MLLT3: variants seen among roughly 807,000 people sequenced by gnomAD.
The protein encoded by MLLT3 is protein AF-9.
In MLLT3, 4 loss-of-function variants were observed where a neutral mutation model predicts 53.2. That is an observed-to-expected ratio of 0.08 (90% CI 0.04 to 0.17). The LOEUF (loss-of-function observed/expected upper bound fraction) is 0.17, where lower values mean the gene tolerates loss of function less well. MLLT3 is among the 10% of genes least tolerant of loss of function. The pLI is 1.00. For synonymous variants in MLLT3, 283 were observed against 230.6 expected, an observed-to-expected ratio of 1.23 and a Z score of -2.06; for missense variants, 569 against 684.0, an observed-to-expected ratio of 0.83 and a Z score of 1.87.
chr9:20,477,170 T>G (rs1490974149), intron 2 of MLLT3, among the ~76,000 whole-genome samples: 1 of 152,108 alleles, frequency 6.6e-6, no homozygotes, highest in African/African-American at 2.4e-5. Flanking sequence ...TTTGGAACCA[T>G]GGGTTCCTTT....
chr9:20,530,872 C>T (rs946580430), intron 2 of MLLT3, among the ~76,000 whole-genome samples: 2 of 152,128 alleles, frequency 1.3e-5, no homozygotes, highest in Non-Finnish European at 2.9e-5. Flanking sequence ...CTCAAGTGAT[C>T]GGCCCACCTT....
chr9:20,554,457 G>A (rs1819004090), intron 2 of MLLT3, among the ~76,000 whole-genome samples: 1 of 151,944 alleles, frequency 6.6e-6, no homozygotes, highest in African/African-American at 2.4e-5. Flanking sequence ...TAAAATTACT[G>A]AACACCAAAA....
intron 2 of MLLT3, among the ~76,000 whole-genome samples, chr9:20,571,799 G>T (rs1819539595): frequency 6.6e-6 from 1 of 152,168 alleles, no homozygotes; most frequent in Admixed American, 6.5e-5. Flanking sequence ...AATCATTGTG[G>T]AAATGCAAAT....
At chr9:20,389,789 G>A (rs1291258988) in intron 5 of MLLT3, among the ~76,000 whole-genome samples, 2 of 152,148 alleles carry the variant, frequency 1.3e-5, no homozygotes, top group East Asian at 3.9e-4. Context: ...GTAAGGGAAG[G>A]AAAGGGAAAT....
chr9:20,528,334 T>C (rs1050763144), intron 2 of MLLT3, among the ~76,000 whole-genome samples: 2 of 152,260 alleles, frequency 1.3e-5, no homozygotes, highest in Non-Finnish European at 2.9e-5. Flanking sequence ...TACACAAATA[T>C]ATACTGCTGT....
chr9:20,412,918 C>T (rs567034862), intron 5 of MLLT3, among the ~76,000 whole-genome samples: 2 of 152,134 alleles, frequency 1.3e-5, no homozygotes, highest in South Asian at 4.2e-4. Context: ...TCTGAAAATC[C>T]CTTCCACTGC....
At chr9:20,531,101 A>T (rs1474615637) in intron 2 of MLLT3, among the ~76,000 whole-genome samples, 4 of 133,346 alleles carry the variant, frequency 3.0e-5, no homozygotes, top group Admixed American at 1.5e-4. Context: ...TTTTTGATAC[A>T]TTGCCCTTTT....
At chr9:20,578,780 T>C (rs896004106) in intron 2 of MLLT3, among the ~76,000 whole-genome samples, 3 of 152,156 alleles carry the variant, frequency 2.0e-5, no homozygotes, top group South Asian at 2.1e-4. Context: ...ATTTTCCAAG[T>C]AGATATTTTA....
rs1210056384 is a variant in MLLT3, at chr9:20,473,746, AAACT to A, written c.194-16964_194-16961del. Among the ~76,000 whole-genome samples the A allele has an allele frequency of 7.2e-5, 11 of 152,240 alleles. No individual in the cohort carries two copies. In the East Asian group the frequency reaches 9.6e-4, roughly 13 times the overall value. On this transcript the variant is annotated intron_variant, in intron 2 of 10. Coordinates refer to ENST00000380338, the MANE Select transcript of MLLT3 (RefSeq NM_004529.4). ...TAAAAAAAAGCAAAAGACAACAAAA[AAACT>A]AACTATGCTAATAAACTAAAAAAAC...
At chr9:20,539,903 A>G (rs966404850) in intron 2 of MLLT3, among the ~76,000 whole-genome samples, 2 of 152,218 alleles carry the variant, frequency 1.3e-5, no homozygotes, top group Non-Finnish European at 2.9e-5. Context: ...CTAGAAGCCT[A>G]TAAAATCAAA....
At chr9:20,403,884 T>C (rs1289842469) in intron 5 of MLLT3, among the ~76,000 whole-genome samples, 1 of 152,178 alleles carries the variant, frequency 6.6e-6, no homozygotes, top group Non-Finnish European at 1.5e-5. Context: ...AGTAGCACAA[T>C]CATGGCTCAC....
intron 4 of MLLT3, among the ~76,000 whole-genome samples, chr9:20,424,902 G>T (rs1313818144): frequency 6.6e-6 from 1 of 152,158 alleles, no homozygotes; most frequent in East Asian, 1.9e-4. Flanking sequence ...CTGTATATGT[G>T]TGTGCTTTAT....
intron 2 of MLLT3, among the ~76,000 whole-genome samples, chr9:20,525,513 A>C (rs1406966811): frequency 6.6e-6 from 1 of 152,166 alleles, no homozygotes; most frequent in Non-Finnish European, 1.5e-5. Flanking sequence ...ATAAAAAATA[A>C]AGACATCTTA....
intron 2 of MLLT3, among the ~76,000 whole-genome samples, chr9:20,498,824 G>A (rs1825148032): frequency 6.6e-6 from 1 of 152,138 alleles, no homozygotes; most frequent in Admixed American, 6.5e-5. Context: ...TGTAACTTTT[G>A]AAGAGCAAAT....
In MLLT3 at chr9:20,360,790, G is replaced by A; in HGVS notation, c.1383C>T (p.Pro461=). 1.2e-6 allele frequency: 2 copies of A among 1,614,082 alleles called. No individual in the cohort carries two copies. Among genetic ancestry groups the A allele is most frequent in the Non-Finnish European group, 1.7e-6 (2 of 1,179,926 alleles). ...SDSESSSASS[P]LHHEPPPPLL... Reference sequence around the variant, plus strand: ...AGGGTGGTGGAGGTTCGTGATGTAGGGGTGAAGAAGCAGAACTGCTTTCAC... The same window carrying A: ...AGGGTGGTGGAGGTTCGTGATGTAGAGGTGAAGAAGCAGAACTGCTTTCAC... The change falls in exon 8 of 11, where the codon CCC becomes CCT. Residue 461 remains proline (P), a synonymous_variant. Coordinates refer to ENST00000380338, the MANE Select transcript of MLLT3 (RefSeq NM_004529.4).
intron 10 of MLLT3, among the ~76,000 whole-genome samples, chr9:20,350,432 A>G (rs1820984171): frequency 6.6e-6 from 1 of 151,718 alleles, no homozygotes; most frequent in Admixed American, 6.6e-5. Flanking sequence ...CGTCTCTACT[A>G]AAAATACAAA....
At chr9:20,460,993 T>C (rs1404371972) in intron 2 of MLLT3, among the ~76,000 whole-genome samples, 1 of 152,154 alleles carries the variant, frequency 6.6e-6, no homozygotes, top group Non-Finnish European at 1.5e-5. Flanking sequence ...ATTTTGAAAC[T>C]AATATTCAAC....
chr9:20,482,596 C>A (rs565531270), intron 2 of MLLT3, among the ~76,000 whole-genome samples: 62 of 152,128 alleles, frequency 4.1e-4, no homozygotes, highest in Non-Finnish European at 7.9e-4. Flanking sequence ...TACAACACAA[C>A]ATATGCTACT....
Position 20,555,148 on chromosome 9 carries a change from C to T in MLLT3, c.193+65506G>A, listed in dbSNP as rs562992151. Among the ~76,000 whole-genome samples the T allele has an allele frequency of 1.8e-4, 28 of 152,252 alleles. No individual in the cohort carries two copies. The South Asian group carries it at 4.6e-3, about 25-fold the overall frequency. On this transcript the variant is annotated intron_variant, in intron 2 of 10. Transcript: ENST00000380338. The stretch of plus-strand genomic sequence containing the variant: ...CCTTCCCCAGGGTGGCCAGACGAGT[C>T]TTCAGATAGCACTCCTCCTGAAGGT...
Sources: allele counts gnomAD v4.1 joint callset (sites outside exome capture counted in the v4.1 genomes callset), GRCh38; gene constraint gnomAD v4.1.1; transcripts MANE v1.5; gene names NCBI Gene and HGNC (gene_info 2026-07-23, HGNC 2026-07-21).